The following HYAL1 variants were observed in gnomAD, a reference collection of about 807,000 sequenced individuals.
HYAL1 encodes the protein hyaluronidase 1.
Under a neutral mutation model 28.8 loss-of-function variants are expected in HYAL1, and 21 were observed. The ratio of observed to expected loss-of-function variants is 0.73; its 90% CI spans 0.52 to 1.05. The LOEUF is 1.05. Ranked by LOEUF, HYAL1 falls within the 50% of genes least tolerant of loss-of-function variation. The pLI, the probability that HYAL1 is intolerant of heterozygous loss-of-function variation, is 0.00. For synonymous variants in HYAL1, 200 were observed against 230.1 expected (o/e 0.87, Z 1.18); for missense variants, 491 against 579.2 (o/e 0.85, Z 1.56).
intron 1 of HYAL1, 135 bp from the exon 2 acceptor site, chr3:50,303,115 C>A: frequency 1.4e-6 from 1 of 704,948 alleles, no homozygotes; most frequent in Non-Finnish European, 2.3e-6. Context: ...CTGCAGGGCT[C>A]CAGGAGGGCA....
At chr3:50,306,989 A>C (rs1162127829), upstream of HYAL1, among the ~76,000 whole-genome samples, 4 of 149,788 alleles carry the variant, frequency 2.7e-5, no homozygotes, top group Non-Finnish European at 5.9e-5. Context: ...AGAATCACTT[A>C]AACTTGGAAG....
Position 50,312,345 on chromosome 3 carries a change from C to T in HYAL1, c.-391G>A, listed in dbSNP as rs587728177. On this transcript the variant is annotated 5_prime_UTR_variant, in exon 1 of 6. Transcript: ENST00000320295. ...CCAGGGAGAGACGCTCCTCACATCC[C>T]GGACGGGGCGACAGGGCAGAGGCGC... 29 of 172,040 alleles carry T rather than the reference C, an allele frequency of 1.7e-4. No individual in the cohort carries two copies. In the South Asian group the frequency reaches 3.0e-3, roughly 18 times the overall value. The allele number at this position is 172,040 out of a possible 1,614,324, so 10.7% of individuals were successfully genotyped here. A position where few individuals can be genotyped will look rare whatever the true frequency, so the allele number is the denominator to read the frequency against.
Position 50,311,165 on chromosome 3 carries a change from C to T in HYAL1, c.-310+1099G>A, listed in dbSNP as rs2109316878. ...CCGGGCAGAGGGGCTCCTCACTTCC[C>T]AGTAGGGGCAGCCGGGCAGAGGCGC... On this transcript the variant is annotated intron_variant, in intron 1 of 5. Transcript: ENST00000320295. Among the ~76,000 whole-genome samples the T allele has an allele frequency of 2.0e-5, 3 of 151,770 alleles. No individual in the cohort carries two copies. The South Asian group carries it at 6.2e-4, about 32-fold the overall frequency.
intron 1 of HYAL1, among the ~76,000 whole-genome samples, chr3:50,311,902 C>A (rs1475459627): frequency 6.7e-6 from 1 of 149,664 alleles, no homozygotes; most frequent in East Asian, 2.1e-4. Flanking sequence ...GGGCTGATCC[C>A]CCCTCCCCTC....
chr3:50,302,753 G>A lies in HYAL1; in HGVS notation c.204C>T (p.Gly68=), dbSNP rs375395138. The change falls in exon 2 of 4, where the codon GGC becomes GGT. Residue 68 remains glycine (G), a synonymous_variant. Coordinates refer to ENST00000395144, the MANE Select transcript of HYAL1 (RefSeq NM_033159.4). This position sits in a 1 kb window ranked among gnomAD's most constrained non-coding sequence, Gnocchi z 5.0. ...AGCTATAGAAAATTGTCATGTCAGG[G>A]CCGCGGAAGGTCTGCCCTGGGTTGG... ...VVANPGQTFR[G]PDMTIFYSSQ... The A allele has an allele frequency of 5.0e-6, 8 of 1,613,920 alleles. No individual in the cohort carries two copies. Among genetic ancestry groups the A allele is most frequent in the African/African-American group, 1.3e-5 (1 of 74,942 alleles).
In HYAL1 at chr3:50,300,324, T is replaced by C. The variant is rs1439559206; in HGVS notation, c.*159A>G. 7 of 728,612 alleles carry C rather than the reference T, an allele frequency of 9.6e-6. No individual in the cohort carries two copies. Among genetic ancestry groups the C allele is most frequent in the Non-Finnish European group, 1.7e-5 (7 of 414,912 alleles). The allele number at this position is 728,612 out of a possible 1,614,324, so 45.1% of individuals were successfully genotyped here. The stretch of plus-strand genomic sequence containing the variant: ...CTCCTTATGCCACTATTCCAGTCTG[T>C]AAGTATGCATGTGTGTGCAGGGAAT... On this transcript the variant is annotated 3_prime_UTR_variant, in exon 4 of 4. Transcript: ENST00000395144.
chr3:50,302,112 G>A lies in HYAL1; in HGVS notation c.845C>T (p.Pro282Leu), dbSNP rs782723000. 4.6e-5 allele frequency: 74 copies of A among 1,614,062 alleles called. No homozygotes were observed. The South Asian group carries it at 5.2e-4, about 11-fold the overall frequency. Reference protein sequence around the residue: ...VAVAAGDPNLPVLPYVQIFYD... With the variant: ...VAVAAGDPNLLVLPYVQIFYD... The stretch of plus-strand genomic sequence containing the variant: ...GAAGATCTGGACATAGGGCAGCACC[G>A]GCAGATTGGGGTCACCAGCAGCCAC... The change falls in exon 2 of 4, where the codon CCG (proline) becomes CTG (leucine). Residue 282 changes from proline to leucine, a missense_variant. Transcript: ENST00000395144. The surrounding 1 kb of genome is among the most constrained non-coding windows in gnomAD (Gnocchi z 5.0).
chr3:50,309,680 A>T (rs1027449526), exon 2 of HYAL1: 1 of 150,934 alleles, frequency 6.6e-6, no homozygotes, highest in Non-Finnish European at 1.5e-5. Context: ...AAAGAATGTC[A>T]CTTTCTGGGG....
At position 50,302,769 on chromosome 3, in the gene HYAL1, C is replaced by G. The variant is rs1553713389; in HGVS notation, c.188G>C (p.Gly63Ala). 6.2e-7 allele frequency: 1 copy of G among 1,613,990 alleles called. No homozygotes were observed. Among genetic ancestry groups the G allele is most frequent in the East Asian group, 2.2e-5 (1 of 44,892 alleles). ...VSVFDVVANPGQTFRGPDMTI... is the reference protein window; with the variant it reads ...VSVFDVVANPAQTFRGPDMTI... ...CATGTCAGGGCCGCGGAAGGTCTGCCCTGGGTTGGCTACCACATCGAAGAC... is the reference window on the plus strand; with the variant it reads ...CATGTCAGGGCCGCGGAAGGTCTGCGCTGGGTTGGCTACCACATCGAAGAC... Residue 63 changes from glycine to alanine, a missense_variant, in exon 2 of 4, where the codon GGG (glycine) becomes GCG (alanine). Physicochemically the swap from Gly to Ala is moderately conservative, Grantham distance 60 (BLOSUM62 0). Coordinates refer to ENST00000395144, the MANE Select transcript of HYAL1 (RefSeq NM_033159.4). The surrounding 1 kb of genome is among the most constrained non-coding windows in gnomAD (Gnocchi z 5.0).
At chr3:50,312,100 G>A (rs1344382253) in intron 1 of HYAL1, among the ~76,000 whole-genome samples, 2 of 148,148 alleles carry the variant, frequency 1.3e-5, no homozygotes, top group Admixed American at 6.6e-5. Context: ...CGGACGGGGC[G>A]GCTGGCCGGG....
intron 2 of HYAL1, among the ~76,000 whole-genome samples, chr3:50,301,639 G>GAAAAAAA (rs1559818250): frequency 7.7e-5 from 11 of 142,110 alleles, no homozygotes; most frequent in African/African-American, 2.9e-4. Flanking sequence ...AAAAAAGGAT[G>GAAAAAAA]AATGAATGGA....
chr3:50,307,680 GAAAAAA>G (rs1160592800), upstream of HYAL1, among the ~76,000 whole-genome samples: 1 of 24,988 alleles, frequency 4.0e-5, no homozygotes, highest in Non-Finnish European at 7.3e-5. Context: ...GACTCCATCT[GAAAAAA>G]AAAAAAAAAA....
At chr3:50,311,852 C>A (rs1702468477) in intron 1 of HYAL1, among the ~76,000 whole-genome samples, 2 of 149,092 alleles carry the variant, frequency 1.3e-5, no homozygotes, top group African/African-American at 4.9e-5. Context: ...GGGGCTGACC[C>A]CCCCACCTCC....
Position 50,312,051 on chromosome 3 carries a change from G to A in HYAL1, c.-310+213C>T, listed in dbSNP as rs1239825034. ...CCCCCACCTCCCTCCCGGACGGGGC[G>A]GCTGGCCGGGCGGGGGGCTGACCCC... is the stretch of plus-strand genomic sequence containing the variant. On this transcript the variant is annotated intron_variant, in intron 1 of 5. Transcript: ENST00000320295. Among the ~76,000 whole-genome samples, 16 of 140,490 alleles carry A rather than the reference G, an allele frequency of 1.1e-4. 1 individual carries two copies. The highest frequency in any genetic ancestry group is 2.5e-4 in the Non-Finnish European group (16 of 62,824). 92.2% of individuals were successfully genotyped at this position (140,490 alleles called of 152,430 possible).
In HYAL1 at chr3:50,300,114, G is replaced by A. The variant is rs1234912396; in HGVS notation, c.*369C>T. ...CAGTTTCCTCATAGCCTCATTGTGA[G>A]GAATGAATAAGTCCACATAAAACGC... On this transcript the variant is annotated 3_prime_UTR_variant, in exon 4 of 4. Coordinates refer to ENST00000395144, the MANE Select transcript of HYAL1 (RefSeq NM_033159.4). 3.1e-6 allele frequency: 1 copy of A among 325,308 alleles called. No individual in the cohort carries two copies. Among genetic ancestry groups the A allele is most frequent in the African/African-American group, 2.1e-5 (1 of 47,060 alleles). The allele number at this position is 325,308 out of a possible 1,614,324, so 20.2% of individuals were successfully genotyped here.
chr3:50,305,788 C>A (rs1197968337), upstream of HYAL1, among the ~76,000 whole-genome samples: 16 of 151,270 alleles, frequency 1.1e-4, no homozygotes, highest in Admixed American at 1.0e-3. Context: ...CCCACCTTGG[C>A]CTCCCAAAGT....
chr3:50,300,868 G>GCA, intron 3 of HYAL1, 68 bp from the exon 4 acceptor site: 1 of 1,553,900 alleles, frequency 6.4e-7, no homozygotes, highest in Non-Finnish European at 8.8e-7. Flanking sequence ...GGGCACTGAG[G>GCA]CACTCACCTG....
In HYAL1 at chr3:50,302,854, C is replaced by G. The variant is rs142667148; in HGVS notation, c.103G>C (p.Val35Leu). The change falls in exon 2 of 4, where the codon GTC becomes CTC. Residue 35 changes from valine to leucine, a missense_variant. Physicochemically the swap from Val to Leu is conservative, Grantham distance 32 (BLOSUM62 1). Coordinates refer to ENST00000395144, the MANE Select transcript of HYAL1 (RefSeq NM_033159.4). The surrounding 1 kb of genome is among the most constrained non-coding windows in gnomAD (Gnocchi z 5.0). ...PLLPNRPFTT[V>L]WNANTQWCLE... ...CACCACTGGGTGTTTGCATTCCAGA[C>G]GGTGGTGAAGGGCCGGTTGGGTAGC... 6.2e-7 allele frequency: 1 copy of G among 1,613,796 alleles called. No individual in the cohort carries two copies. The highest frequency in any genetic ancestry group is 1.7e-5 in the Admixed American group (1 of 60,006).
intron 1 of HYAL1, among the ~76,000 whole-genome samples, chr3:50,311,142 G>T (rs1298881575): frequency 5.7e-4 from 87 of 151,802 alleles, no homozygotes; most frequent in Non-Finnish European, 9.0e-4. Context: ...GGTGGTGGCC[G>T]GGCAGAGGGG....
Sources: allele counts gnomAD v4.1 joint callset (sites outside exome capture counted in the v4.1 genomes callset), GRCh38; gene constraint gnomAD v4.1.1; non-coding constraint Gnocchi (gnomAD v3.1); transcripts MANE v1.5; gene names NCBI Gene and HGNC (gene_info 2026-07-23, HGNC 2026-07-21).